The following TMEM278 variants were observed in gnomAD, a reference collection of about 807,000 sequenced individuals.
The protein encoded by TMEM278 is transmembrane protein 88B.
the TMEM278 span, chr1:1,427,641 C>T: frequency 3.0e-6 from 4 of 1,345,006 alleles, no homozygotes; most frequent in African/African-American, 6.5e-5. Context: ...TCTCTCGCTG[C>T]CGCCGCTGCT....
At chr1:1,427,659 GCCTCGGCCGT>G in the TMEM278 span, 1 of 1,339,400 alleles carries the variant, frequency 7.5e-7, no homozygotes, top group Non-Finnish European at 9.6e-7. Context: ...GCTGGTGCTC[GCCTCGGCCGT>G]CCGCGCCCGC....
chr1:1,426,312 C>A, the TMEM278 span: 1 of 1,484,026 alleles, frequency 6.7e-7, no homozygotes. Flanking sequence ...CTCCTGCTGC[C>A]CGCCGCAGCC....
At chr1:1,429,235 C>T in the TMEM278 span, among the ~76,000 whole-genome samples, 3 of 151,964 alleles carry the variant, frequency 2.0e-5, no homozygotes, top group African/African-American at 7.3e-5. Context: ...GTAGTCCCAG[C>T]TACTCAGGAG....
chr1:1,428,868 C>T, the TMEM278 span, among the ~76,000 whole-genome samples: 5 of 151,792 alleles, frequency 3.3e-5, no homozygotes, highest in African/African-American at 9.7e-5. Flanking sequence ...GGCTTGGTGG[C>T]GGGCACCTGT....
chr1:1,427,841 T>C, the TMEM278 span: 1 of 1,329,454 alleles, frequency 7.5e-7, no homozygotes, highest in South Asian at 1.6e-5. Context: ...CGCGACCCCA[T>C]CGCGTGGCCC....
chr1:1,427,831 C>T, the TMEM278 span: 1 of 1,358,942 alleles, frequency 7.4e-7, no homozygotes. Flanking sequence ...CGAGCTCGCG[C>T]GCGACCCCAT....
chr1:1,427,928 C>T, the TMEM278 span: 2 of 721,346 alleles, frequency 2.8e-6, no homozygotes, highest in South Asian at 3.6e-5. Flanking sequence ...CGACCCCGGC[C>T]TCCCCCGCCC....
chr1:1,427,984 G>A, the TMEM278 span, among the ~76,000 whole-genome samples: 2 of 84,834 alleles, frequency 2.4e-5, no homozygotes, highest in East Asian at 4.5e-4. Context: ...GAAGAGAGGG[G>A]AGGGGAGGGG....
the TMEM278 span, among the ~76,000 whole-genome samples, chr1:1,425,971 A>G: frequency 6.6e-6 from 1 of 152,038 alleles, no homozygotes; most frequent in East Asian, 1.9e-4. Flanking sequence ...TGGGACAGAC[A>G]TCAGGGCAGG....
the TMEM278 span, among the ~76,000 whole-genome samples, chr1:1,427,988 G>A: frequency 7.1e-6 from 1 of 141,230 alleles, no homozygotes; most frequent in African/African-American, 2.6e-5. Context: ...AGAGGGGAGG[G>A]GAGGGGAAGA....
At chr1:1,429,700 G>A in the TMEM278 span, among the ~76,000 whole-genome samples, 2 of 152,102 alleles carry the variant, frequency 1.3e-5, no homozygotes, top group Admixed American at 6.6e-5. Context: ...GACCACCCTC[G>A]GCCCCCTCAG....
At chr1:1,429,261 T>A in the TMEM278 span, among the ~76,000 whole-genome samples, 7 of 151,652 alleles carry the variant, frequency 4.6e-5, no homozygotes, top group Non-Finnish European at 1.0e-4. Flanking sequence ...GGCACAAGAA[T>A]CATTTGAACA....
the TMEM278 span, chr1:1,427,834 G>A: frequency 1.5e-6 from 2 of 1,350,382 alleles, no homozygotes; most frequent in South Asian, 3.1e-5. Context: ...GCTCGCGCGC[G>A]ACCCCATCGC....
chr1:1,430,097 A>G, the TMEM278 span, among the ~76,000 whole-genome samples: 1 of 152,312 alleles, frequency 6.6e-6, no homozygotes, highest in Admixed American at 6.5e-5. Context: ...GGCACAAGCA[A>G]TCCTCTCGCC....
the TMEM278 span, among the ~76,000 whole-genome samples, chr1:1,425,921 G>A: frequency 6.6e-6 from 1 of 152,190 alleles, no homozygotes; most frequent in African/African-American, 2.4e-5. Context: ...TGGAGCTGCA[G>A]CTGCCTGGCA....
chr1:1,428,779 T>C, the TMEM278 span, among the ~76,000 whole-genome samples: 108 of 152,216 alleles, frequency 7.1e-4, no homozygotes, highest in African/African-American at 2.5e-3. Context: ...GGAGGGCGGA[T>C]CACCAGCTCA....
At chr1:1,429,773 G>A in the TMEM278 span, among the ~76,000 whole-genome samples, 5 of 152,172 alleles carry the variant, frequency 3.3e-5, no homozygotes, top group Admixed American at 2.6e-4. Flanking sequence ...TTCCCTGGCC[G>A]CAGGCTGGCT....
At chr1:1,427,695 C>T in the TMEM278 span, 8 of 1,327,896 alleles carry the variant, frequency 6.0e-6, no homozygotes, top group Non-Finnish European at 7.7e-6. Context: ...CCGGCGCCTC[C>T]GCCCGCTGCT....
At chr1:1,426,664 G>A in the TMEM278 span, among the ~76,000 whole-genome samples, 2 of 152,190 alleles carry the variant, frequency 1.3e-5, no homozygotes, top group East Asian at 3.9e-4. Context: ...GGTGGGGAGA[G>A]AACGGGGTTC....
Sources: gnomAD v4.1 joint callset for allele counts (sites outside exome capture counted in the v4.1 genomes callset) on GRCh38, gnomAD v4.1.1 for gene constraint, MANE v1.5 for transcripts, NCBI Gene and HGNC (gene_info 2026-07-23, HGNC 2026-07-21) for gene names.